The following KCNIP4 variants were observed in gnomAD, a reference collection of about 807,000 sequenced individuals.
KCNIP4 encodes Kv channel-interacting protein 4.
Under a neutral mutation model 34.0 loss-of-function variants are expected in KCNIP4, and 12 were observed. That is an observed-to-expected ratio of 0.35 (90% confidence interval 0.23 to 0.57). The LOEUF (loss-of-function observed/expected upper bound fraction) is 0.57. Among genes scored for constraint, KCNIP4 ranks in the 20% least tolerant of loss-of-function variants. The pLI, the probability that KCNIP4 is intolerant of heterozygous loss-of-function variation, is 0.83. For synonymous variants in KCNIP4, 124 were observed against 102.2 expected, an observed-to-expected ratio of 1.21 and a Z score of -1.29; for missense variants, 238 against 311.7, an observed-to-expected ratio of 0.76 and a Z score of 1.78.
chr4:20,759,830 T>TGATA (rs1476209884), intron 3 of KCNIP4, among the ~76,000 whole-genome samples: 3 of 152,070 alleles, frequency 2.0e-5, no homozygotes, highest in Non-Finnish European at 4.4e-5. Flanking sequence ...GACAATCACA[T>TGATA]GATAGCCCAG....
intron 1 of KCNIP4, among the ~76,000 whole-genome samples, chr4:20,928,768 A>T (rs73242571): frequency 0.13 from 20,478 of 151,876 alleles, 1,944 homozygotes; most frequent in African/African-American, 0.28. Flanking sequence ...AAGTAGAAAT[A>T]TTGCAATGGA....
At chr4:21,463,902 T>C (rs900904606) in intron 1 of KCNIP4, among the ~76,000 whole-genome samples, 2 of 152,082 alleles carry the variant, frequency 1.3e-5, no homozygotes, top group African/African-American at 2.4e-5. Flanking sequence ...AATAAGTTTA[T>C]TCAGATTTTC....
intron 1 of KCNIP4, among the ~76,000 whole-genome samples, chr4:21,630,054 A>T (rs1439317905): frequency 2.1e-5 from 3 of 145,786 alleles, no homozygotes; most frequent in Non-Finnish European, 4.5e-5. Flanking sequence ...TGTAGAGACG[A>T]GGTCTAGCTA....
At chr4:20,893,837 T>A (rs1176710050) in intron 1 of KCNIP4, among the ~76,000 whole-genome samples, 1 of 152,292 alleles carries the variant, frequency 6.6e-6, no homozygotes, top group East Asian at 1.9e-4. Flanking sequence ...ATGTACTATT[T>A]CTTTTCCGCA....
At chr4:21,764,877 G>C (rs1329491498) in intron 1 of KCNIP4, among the ~76,000 whole-genome samples, 2 of 152,042 alleles carry the variant, frequency 1.3e-5, no homozygotes, top group African/African-American at 2.4e-5. Context: ...TTGAAGAGAG[G>C]TGTTTGAAGA....
chr4:21,344,761 T>A (rs76343577), intron 1 of KCNIP4, among the ~76,000 whole-genome samples: 1 of 152,250 alleles, frequency 6.6e-6, no homozygotes. Context: ...GTAACAATAT[T>A]GATTACTGTT....
At chr4:21,157,315 A>G (rs947131229) in intron 1 of KCNIP4, among the ~76,000 whole-genome samples, 1 of 150,876 alleles carries the variant, frequency 6.6e-6, no homozygotes, top group Non-Finnish European at 1.5e-5. Context: ...ACAGACAAAA[A>G]TCCTCACCTA....
chr4:20,767,864 G>C (rs535108775), intron 3 of KCNIP4, among the ~76,000 whole-genome samples: 1 of 152,156 alleles, frequency 6.6e-6, no homozygotes, highest in African/African-American at 2.4e-5. Flanking sequence ...TAGTTATTTG[G>C]GGATCCTTTC....
At chr4:21,715,769 G>A (rs1304092692) in intron 1 of KCNIP4, among the ~76,000 whole-genome samples, 1 of 152,106 alleles carries the variant, frequency 6.6e-6, no homozygotes, top group Non-Finnish European at 1.5e-5. Context: ...AGTCCTAACT[G>A]AAAAAAGTTA....
chr4:21,658,775 A>T (rs1253263595), intron 1 of KCNIP4, among the ~76,000 whole-genome samples: 4 of 152,186 alleles, frequency 2.6e-5, no homozygotes, highest in African/African-American at 7.2e-5. Context: ...AGCATACAGC[A>T]TGACATCATT....
At chr4:21,890,219 A>C (rs1315787853) in intron 1 of KCNIP4, among the ~76,000 whole-genome samples, 1 of 152,150 alleles carries the variant, frequency 6.6e-6, no homozygotes, top group African/African-American at 2.4e-5. Context: ...AAAGCAATTA[A>C]AATGTTTCAC....
intron 1 of KCNIP4, among the ~76,000 whole-genome samples, chr4:20,939,587 TG>T (rs1731425953): frequency 6.6e-6 from 1 of 152,052 alleles, no homozygotes; most frequent in African/African-American, 2.4e-5. Flanking sequence ...TAGGCCAGGA[TG>T]GTCTCGATTT....
At chr4:21,573,135 A>G (rs73800231) in intron 1 of KCNIP4, among the ~76,000 whole-genome samples, 1,976 of 152,274 alleles carry the variant, frequency 0.013, 50 homozygotes, top group African/African-American at 0.046. Context: ...GAATGGTCAT[A>G]GCATTAGCGG....
intron 1 of KCNIP4, among the ~76,000 whole-genome samples, chr4:21,382,426 C>G (rs1721592192): frequency 6.6e-6 from 1 of 152,090 alleles, no homozygotes; most frequent in Non-Finnish European, 1.5e-5. Context: ...ATCAAAGGAG[C>G]AGTATAATGA....
chr4:21,734,922 A>C (rs1219589707), intron 1 of KCNIP4, among the ~76,000 whole-genome samples: 1 of 152,094 alleles, frequency 6.6e-6, no homozygotes, highest in African/African-American at 2.4e-5. Context: ...TTCTTTATGA[A>C]ATAGAATGAC....
At chr4:21,821,976 A>T (rs1022429679) in intron 1 of KCNIP4, among the ~76,000 whole-genome samples, 10 of 152,120 alleles carry the variant, frequency 6.6e-5, no homozygotes, top group Non-Finnish European at 1.0e-4. Flanking sequence ...ATTCACCAAG[A>T]TGAAGCGCTA....
chr4:21,334,541 T>C (rs542626549), intron 1 of KCNIP4, among the ~76,000 whole-genome samples: 66 of 152,032 alleles, frequency 4.3e-4, no homozygotes, highest in Non-Finnish European at 8.4e-4. Flanking sequence ...CATCATAAAA[T>C]TTACCCACTT....
intron 1 of KCNIP4, among the ~76,000 whole-genome samples, chr4:21,563,431 T>C (rs925150391): frequency 6.6e-6 from 1 of 152,110 alleles, no homozygotes; most frequent in Non-Finnish European, 1.5e-5. Context: ...TTCTGTGTGT[T>C]ACTATATTCA....
At chr4:20,786,178 G>A (rs996199831) in intron 3 of KCNIP4, among the ~76,000 whole-genome samples, 1 of 152,028 alleles carries the variant, frequency 6.6e-6, no homozygotes, top group African/African-American at 2.4e-5. Context: ...ATTACCCTAC[G>A]TAAACTCACA....
Sources: allele counts gnomAD v4.1 joint callset (sites outside exome capture counted in the v4.1 genomes callset), GRCh38; gene constraint gnomAD v4.1.1; transcripts MANE v1.5; gene names NCBI Gene and HGNC (gene_info 2026-07-23, HGNC 2026-07-21).